Variants in CAMTA1 observed in about 807,000 individuals in gnomAD.
The protein encoded by CAMTA1 is calmodulin-binding transcription activator 1.
In CAMTA1, 27 loss-of-function variants were observed where a neutral mutation model predicts 170.9. That is an observed-to-expected ratio of 0.16 (90% CI 0.12 to 0.22). The LOEUF (loss-of-function observed/expected upper bound fraction) is 0.22. CAMTA1 is among the 10% of genes least tolerant of loss of function. CAMTA1 has a pLI of 1.00. For synonymous variants in CAMTA1, 833 were observed against 891.5 expected (o/e 0.93, Z 1.17); for missense variants, 1,619 against 2,217.2 (o/e 0.73, Z 5.42).
intron 7 of CAMTA1, among the ~76,000 whole-genome samples, chr1:7,643,794 G>A (rs755215633): frequency 3.3e-5 from 5 of 152,238 alleles, no homozygotes; most frequent in African/African-American, 4.8e-5. Flanking sequence ...GCACGGCTCT[G>A]ACAGAAACAC....
intron 3 of CAMTA1, among the ~76,000 whole-genome samples, chr1:6,978,476 A>G (rs1169777335): frequency 6.6e-6 from 1 of 152,056 alleles, no homozygotes; most frequent in Non-Finnish European, 1.5e-5. Context: ...TCTATTAAAA[A>G]TGCAAAAATT....
chr1:7,116,934 G>A (rs1573192704), intron 4 of CAMTA1, among the ~76,000 whole-genome samples: 1 of 151,536 alleles, frequency 6.6e-6, no homozygotes, highest in Admixed American at 6.6e-5. Context: ...TTACAGGCTT[G>A]AGCCACTGCG....
At chr1:6,846,447 A>G (rs1252608872) in intron 3 of CAMTA1, among the ~76,000 whole-genome samples, 1 of 152,236 alleles carries the variant, frequency 6.6e-6, no homozygotes, top group Non-Finnish European at 1.5e-5. Flanking sequence ...AAAGATATGC[A>G]GCTTTCCTGC....
intron 3 of CAMTA1, among the ~76,000 whole-genome samples, chr1:6,917,859 G>T (rs1029041094): frequency 1.5e-5 from 2 of 135,754 alleles, no homozygotes; most frequent in Non-Finnish European, 3.2e-5. Flanking sequence ...GGCGGGGGGG[G>T]ACATCTACAT....
intron 3 of CAMTA1, among the ~76,000 whole-genome samples, chr1:7,040,961 A>G (rs1350313057): frequency 6.6e-6 from 1 of 152,098 alleles, no homozygotes; most frequent in Admixed American, 6.5e-5. Flanking sequence ...TGACCTCATG[A>G]TCTGCCCGCC....
rs1700270009 is a variant in CAMTA1 at position 7,014,595 on chromosome 1, C to T, written c.235-76709C>T. ...CAATGGCCGAGCTTCTGTTTTAAGG[C>T]AGCAAAACAGCGTGCGAGCTTGGTC... On this transcript the variant is annotated intron_variant, in intron 3 of 22. Coordinates refer to ENST00000303635, the MANE Select transcript of CAMTA1 (RefSeq NM_015215.4). The surrounding 1 kb of genome is among the most constrained non-coding windows in gnomAD (Gnocchi z 4.2). Among the ~76,000 whole-genome samples, 1 of 152,208 alleles carries T rather than the reference C, an allele frequency of 6.6e-6. No homozygotes were observed. Among genetic ancestry groups the T allele is most frequent in the Non-Finnish European group, 1.5e-5 (1 of 68,034 alleles).
chr1:7,172,505 T>G (rs1315026608), intron 4 of CAMTA1, among the ~76,000 whole-genome samples: 1 of 148,832 alleles, frequency 6.7e-6, no homozygotes, highest in African/African-American at 2.6e-5. Context: ...ATGCGGAGCA[T>G]GAACAACAGC....
intron 3 of CAMTA1, among the ~76,000 whole-genome samples, chr1:6,933,054 T>C (rs1010351726): frequency 5.9e-5 from 9 of 152,112 alleles, no homozygotes; most frequent in Non-Finnish European, 1.0e-4. Context: ...TGGTGTTGTA[T>C]CTAAGCAATC....
At chr1:7,077,712 G>A (rs768116460) in intron 3 of CAMTA1, among the ~76,000 whole-genome samples, 16 of 152,052 alleles carry the variant, frequency 1.1e-4, no homozygotes, top group East Asian at 1.9e-4. Flanking sequence ...GATGAGCATC[G>A]GTGTTTTTCT....
At chr1:7,670,037 G>A (rs995928912) in intron 9 of CAMTA1, among the ~76,000 whole-genome samples, 4 of 152,206 alleles carry the variant, frequency 2.6e-5, no homozygotes, top group Admixed American at 1.3e-4. Flanking sequence ...CAGCCCTTCC[G>A]ATGCTCTCCT....
intron 5 of CAMTA1, among the ~76,000 whole-genome samples, chr1:7,270,282 TA>T (rs1390384041): frequency 8.1e-6 from 1 of 123,250 alleles, no homozygotes; most frequent in Non-Finnish European, 1.7e-5. Context: ...CACATATATA[TA>T]TATATATATT....
chr1:7,372,436 A>G (rs554376407), intron 5 of CAMTA1, among the ~76,000 whole-genome samples: 4 of 152,174 alleles, frequency 2.6e-5, no homozygotes, highest in Non-Finnish European at 4.4e-5. Flanking sequence ...CAAAAGCTCA[A>G]AAGTATCCAC....
chr1:6,964,312 C>A (rs935121366), intron 3 of CAMTA1, among the ~76,000 whole-genome samples: 1 of 150,808 alleles, frequency 6.6e-6, no homozygotes, highest in African/African-American at 2.4e-5. Flanking sequence ...GCAGTGTCCT[C>A]GGTGCCCCCG....
At chr1:7,139,132 T>C (rs1349949117) in intron 4 of CAMTA1, among the ~76,000 whole-genome samples, 1 of 83,908 alleles carries the variant, frequency 1.2e-5, no homozygotes, top group Non-Finnish European at 2.3e-5. Flanking sequence ...TTTTTATAAA[T>C]ATAAATAAAC....
intron 11 of CAMTA1, among the ~76,000 whole-genome samples, chr1:7,704,258 G>A (rs2096478916): frequency 6.8e-6 from 1 of 146,372 alleles, no homozygotes; most frequent in South Asian, 2.1e-4. Flanking sequence ...GGCGCGGGGA[G>A]CCAGGCAGGG....
intron 5 of CAMTA1, among the ~76,000 whole-genome samples, chr1:7,254,123 G>A (rs1667017623): frequency 6.6e-6 from 1 of 152,158 alleles, no homozygotes; most frequent in Non-Finnish European, 1.5e-5. Context: ...AAGTGACAGA[G>A]GAGGGCTGGG....
intron 5 of CAMTA1, among the ~76,000 whole-genome samples, chr1:7,449,293 A>G (rs944788499): frequency 6.6e-6 from 1 of 152,222 alleles, no homozygotes; most frequent in African/African-American, 2.4e-5. Context: ...GCGTGGGCCA[A>G]GCAACATTTT....
In CAMTA1 at chr1:7,605,512, C is replaced by T. The variant is rs566056247; in HGVS notation, c.511-34888C>T. On this transcript the variant is annotated intron_variant, in intron 6 of 22. Coordinates refer to ENST00000303635, the MANE Select transcript of CAMTA1 (RefSeq NM_015215.4). ...TGTGGGATATAATCTCCTGGTGTGC[C>T]GTTTGCTAAGACTGTTGGAAAAGTG... Among the ~76,000 whole-genome samples, 6 of 152,300 alleles carry T rather than the reference C, an allele frequency of 3.9e-5. No individual in the cohort carries two copies. The East Asian group carries it at 5.8e-4, about 15-fold the overall frequency.
chr1:7,498,444 T>C (rs2093880237), intron 6 of CAMTA1, among the ~76,000 whole-genome samples: 1 of 150,762 alleles, frequency 6.6e-6, no homozygotes, highest in South Asian at 2.1e-4. Flanking sequence ...TGTATGAGTG[T>C]GTGTGAATGT....
Sources: gnomAD v4.1 joint callset for allele counts (sites outside exome capture counted in the v4.1 genomes callset) on GRCh38, gnomAD v4.1.1 for gene constraint, Gnocchi (gnomAD v3.1) non-coding constraint, MANE v1.5 for transcripts, NCBI Gene and HGNC (gene_info 2026-07-23, HGNC 2026-07-21) for gene names.